The following BAZ2B variants were observed in gnomAD, a reference collection of about 807,000 sequenced individuals.
BAZ2B encodes bromodomain adjacent to zinc finger domain protein 2B.
A neutral mutation model predicts 246.0 loss-of-function variants in BAZ2B; 91 were observed. The observed-to-expected ratio is 0.37, with a 90% confidence interval of 0.31 to 0.44. The LOEUF (loss-of-function observed/expected upper bound fraction) is 0.44, where lower values mean the gene tolerates loss of function less well. Among genes scored for constraint, BAZ2B ranks in the 20% least tolerant of loss-of-function variants. The pLI, the probability that BAZ2B is intolerant of heterozygous loss-of-function variation, is 1.00. For synonymous variants in BAZ2B, 855 were observed against 860.0 expected (o/e 0.99, Z 0.10); for missense variants, 2,332 against 2,533.7 (o/e 0.92, Z 1.71).
intron 1 of BAZ2B, among the ~76,000 whole-genome samples, chr2:159,597,707 T>C (rs1003012960): frequency 8.5e-5 from 13 of 152,226 alleles, no homozygotes; most frequent in African/African-American, 3.1e-4. Flanking sequence ...CTGCCCGCCT[T>C]GGCCTCCCAA....
chr2:159,437,157 A>G (rs1488563225), intron 8 of BAZ2B, among the ~76,000 whole-genome samples: 4 of 152,242 alleles, frequency 2.6e-5, no homozygotes, highest in Non-Finnish European at 5.9e-5. Flanking sequence ...AAGTCGCCTA[A>G]AGATAATATT....
the BAZ2B span, among the ~76,000 whole-genome samples, chr2:159,682,884 T>C: frequency 6.2e-5 from 9 of 145,074 alleles, no homozygotes; most frequent in African/African-American, 2.2e-4. Flanking sequence ...CAAGCATCTC[T>C]GTTTTAGAGA....
At chr2:159,537,907 C>T (rs1474429394) in intron 2 of BAZ2B, among the ~76,000 whole-genome samples, 1 of 152,090 alleles carries the variant, frequency 6.6e-6, no homozygotes, top group Non-Finnish European at 1.5e-5. Context: ...TGTCCTCTTC[C>T]TCAGTCTCAT....
At chr2:159,399,011 T>C (rs1467122850) in intron 17 of BAZ2B, 117 bp from the exon 18 acceptor site, 3 of 778,236 alleles carry the variant, frequency 3.9e-6, no homozygotes, top group Admixed American at 6.0e-5. Flanking sequence ...ATGTAACACA[T>C]ATGTAGACAA....
At chr2:159,679,388 A>G in the BAZ2B span, among the ~76,000 whole-genome samples, 1 of 151,832 alleles carries the variant, frequency 6.6e-6, no homozygotes, top group South Asian at 2.1e-4. Flanking sequence ...AGTATATTAT[A>G]TACTATATGT....
Position 159,384,852 on chromosome 2 carries a change from T to C in BAZ2B, c.3686+303A>G, listed in dbSNP as rs112786652. Among the ~76,000 whole-genome samples the C allele has an allele frequency of 4.5e-3, 689 of 152,174 alleles. 2 individuals are homozygous for C. The highest frequency in any genetic ancestry group is 7.5e-3 in the Non-Finnish European group (512 of 67,992). Reference sequence around the variant, plus strand: ...GTGGTGGTACCACATTCTGGTACCATAGCAACTAAAAATATAAAAAAAGTT... The same window carrying C: ...GTGGTGGTACCACATTCTGGTACCACAGCAACTAAAAATATAAAAAAAGTT... On this transcript the variant is annotated intron_variant, in intron 23 of 36. Transcript: ENST00000392783.
At chr2:159,705,551 T>C in the BAZ2B span, among the ~76,000 whole-genome samples, 2 of 152,210 alleles carry the variant, frequency 1.3e-5, no homozygotes, top group African/African-American at 4.8e-5. Flanking sequence ...AGAATTAGCC[T>C]TTCTAATTAC....
intron 3 of BAZ2B, among the ~76,000 whole-genome samples, chr2:159,469,235 T>C (rs1309916732): frequency 2.0e-5 from 3 of 151,940 alleles, no homozygotes; most frequent in Non-Finnish European, 4.4e-5. Flanking sequence ...ATAAGTTATG[T>C]ATATCAACGA....
At chr2:159,400,728 G>T in intron 16 of BAZ2B, 64 bp from the exon 17 acceptor site, 3 of 981,974 alleles carry the variant, frequency 3.1e-6, no homozygotes, top group Non-Finnish European at 4.7e-6. Context: ...GAGTATTTGA[G>T]TGGAATCAAA....
At chr2:159,585,933 C>T (rs964863202) in intron 1 of BAZ2B, among the ~76,000 whole-genome samples, 1 of 152,172 alleles carries the variant, frequency 6.6e-6, no homozygotes, top group African/African-American at 2.4e-5. Context: ...AAATAAATGA[C>T]TTTTTTCTTT....
At chr2:159,541,516 C>T (rs1268855538) in intron 2 of BAZ2B, among the ~76,000 whole-genome samples, 5 of 151,870 alleles carry the variant, frequency 3.3e-5, no homozygotes, top group East Asian at 1.9e-4. Flanking sequence ...TGACCTCAGG[C>T]GATCTGCCCA....
At chr2:159,438,247 A>C in intron 8 of BAZ2B, 56 bp downstream of exon 8, 1 of 1,451,408 alleles carries the variant, frequency 6.9e-7, no homozygotes, top group Non-Finnish European at 9.4e-7. Context: ...AAGACAATAT[A>C]GAAGCTCTAT....
At chr2:159,342,312 A>T (rs1015504690) in intron 31 of BAZ2B, among the ~76,000 whole-genome samples, 1 of 152,236 alleles carries the variant, frequency 6.6e-6, no homozygotes, top group Non-Finnish European at 1.5e-5. Context: ...TTGAACTAGA[A>T]AAAACTATTG....
At chr2:159,626,441 A>T in the BAZ2B span, among the ~76,000 whole-genome samples, 1 of 152,206 alleles carries the variant, frequency 6.6e-6, no homozygotes, top group Non-Finnish European at 1.5e-5. Context: ...CTCCTCAGCA[A>T]ATGCAAAAGA....
intron 3 of BAZ2B, chr2:159,459,492 C>T (rs1432947903): frequency 6.6e-6 from 1 of 152,132 alleles, no homozygotes; most frequent in African/African-American, 2.4e-5. Context: ...TGGCTTTAAT[C>T]TTTTTATACA....
the BAZ2B span, among the ~76,000 whole-genome samples, chr2:159,710,458 T>G: frequency 6.6e-6 from 1 of 152,180 alleles, no homozygotes; most frequent in Non-Finnish European, 1.5e-5. Context: ...TCCACCCACC[T>G]TGGCCTCCCA....
At chr2:159,603,897 T>C (rs1485525590) in intron 1 of BAZ2B, among the ~76,000 whole-genome samples, 1 of 152,356 alleles carries the variant, frequency 6.6e-6, no homozygotes, top group African/African-American at 2.4e-5. Flanking sequence ...GACACTAACC[T>C]GCTGTTTCAT....
chr2:159,616,690 G>A (rs928205444), upstream of BAZ2B: 1 of 152,194 alleles, frequency 6.6e-6, no homozygotes, highest in African/African-American at 2.4e-5. Flanking sequence ...AGGAGCCAAG[G>A]GAGGGGGTTG....
At chr2:159,412,855 A>G (rs2149917907) in intron 13 of BAZ2B, among the ~76,000 whole-genome samples, 1 of 152,322 alleles carries the variant, frequency 6.6e-6, no homozygotes, top group East Asian at 1.9e-4. Flanking sequence ...GAGTTAGCAG[A>G]TATTTAAAAA....
Sources: gnomAD v4.1 joint callset for allele counts (sites outside exome capture counted in the v4.1 genomes callset) on GRCh38, gnomAD v4.1.1 for gene constraint, MANE v1.5 for transcripts, NCBI Gene and HGNC (gene_info 2026-07-23, HGNC 2026-07-21) for gene names.